The following SLC9D1 variants were observed in gnomAD, a reference collection of about 807,000 sequenced individuals.
SLC9D1 encodes the protein solute carrier family 9 member D1, also known as putative LAG1-interacting protein.
the SLC9D1 span, among the ~76,000 whole-genome samples, chr13:113,547,782 G>A: frequency 5.3e-5 from 8 of 152,192 alleles, no homozygotes; most frequent in East Asian, 1.3e-3. Context: ...TTAATTGAAG[G>A]TGTGATGACC....
At chr13:113,503,350 TG>T in the SLC9D1 span, 1 of 159,172 alleles carries the variant, frequency 6.3e-6, no homozygotes, top group Non-Finnish European at 9.1e-6. Context: ...TGTGATTGTG[TG>T]TGTGTGTGTG....
chr13:113,529,472 A>C, the SLC9D1 span: 1 of 152,242 alleles, frequency 6.6e-6, no homozygotes, highest in African/African-American at 2.4e-5. Flanking sequence ...AACACGGTGA[A>C]ACCCCGTCTC....
chr13:113,538,053 T>C, the SLC9D1 span, among the ~76,000 whole-genome samples: 1 of 151,828 alleles, frequency 6.6e-6, no homozygotes, highest in East Asian at 1.9e-4. Context: ...CTTTATGTGA[T>C]GTGTGTACAT....
At chr13:113,517,271 C>T in the SLC9D1 span, among the ~76,000 whole-genome samples, 17 of 152,234 alleles carry the variant, frequency 1.1e-4, no homozygotes, top group East Asian at 2.5e-3. Flanking sequence ...CTCGCTCTGT[C>T]GCCCAGGCTG....
At chr13:113,532,323 T>C in the SLC9D1 span, among the ~76,000 whole-genome samples, 1 of 152,122 alleles carries the variant, frequency 6.6e-6, no homozygotes, top group Admixed American at 6.5e-5. Flanking sequence ...AGGCTCTACC[T>C]TTGGAGATGT....
chr13:113,528,292 T>C, the SLC9D1 span: 1 of 152,226 alleles, frequency 6.6e-6, no homozygotes. Flanking sequence ...GTGTGAGGCC[T>C]GGCCAGGGGG....
At chr13:113,506,313 G>A in the SLC9D1 span, among the ~76,000 whole-genome samples, 3 of 105,212 alleles carry the variant, frequency 2.9e-5, no homozygotes, top group African/African-American at 1.6e-4. Flanking sequence ...TGGAGGAAGA[G>A]GCTGTTATGG....
the SLC9D1 span, chr13:113,529,892 TGA>T: frequency 1.3e-5 from 2 of 152,234 alleles, no homozygotes; most frequent in East Asian, 3.8e-4. Context: ...TTTTATTGTA[TGA>T]GAGTTTCACC....
At chr13:113,533,389 C>T in the SLC9D1 span, among the ~76,000 whole-genome samples, 6 of 152,178 alleles carry the variant, frequency 3.9e-5, no homozygotes, top group Middle Eastern at 3.2e-3. Context: ...CAGAGGCTGA[C>T]GCCCTTGGGA....
chr13:113,502,268 C>T, the SLC9D1 span, among the ~76,000 whole-genome samples: 1 of 152,252 alleles, frequency 6.6e-6, no homozygotes, highest in African/African-American at 2.4e-5. Context: ...GGCTGGAGTG[C>T]AATGGTGCAA....
the SLC9D1 span, among the ~76,000 whole-genome samples, chr13:113,541,230 C>T: frequency 1.3e-5 from 2 of 151,870 alleles, no homozygotes; most frequent in Non-Finnish European, 2.9e-5. Context: ...GCCACGCACA[C>T]GATTGCTGAT....
the SLC9D1 span, among the ~76,000 whole-genome samples, chr13:113,525,736 G>A: frequency 1.1e-3 from 159 of 149,918 alleles, no homozygotes; most frequent in Non-Finnish European, 1.8e-3. Context: ...GCTCTGTGCC[G>A]GTTATTCTAG....
the SLC9D1 span, among the ~76,000 whole-genome samples, chr13:113,517,448 TCG>T: frequency 6.6e-6 from 1 of 152,160 alleles, no homozygotes; most frequent in East Asian, 1.9e-4. Context: ...CAGGATGGTC[TCG>T]ATCTCCTGAC....
the SLC9D1 span, among the ~76,000 whole-genome samples, chr13:113,536,780 T>C: frequency 6.6e-6 from 1 of 152,194 alleles, no homozygotes; most frequent in East Asian, 1.9e-4. Context: ...TGCTGCCCAT[T>C]CTCGTGTTTC....
At chr13:113,520,813 A>G in the SLC9D1 span, 9 of 1,059,178 alleles carry the variant, frequency 8.5e-6, no homozygotes, top group Admixed American at 5.3e-5. Flanking sequence ...ACCTTTTCCA[A>G]AGAGATGTTC....
the SLC9D1 span, chr13:113,520,621 A>G: frequency 6.2e-6 from 10 of 1,610,746 alleles, no homozygotes; most frequent in East Asian, 1.8e-4. Context: ...CACAGGCGAC[A>G]TTGACTACAG....
At chr13:113,525,823 C>G in the SLC9D1 span, among the ~76,000 whole-genome samples, 2 of 147,984 alleles carry the variant, frequency 1.4e-5, no homozygotes, top group African/African-American at 2.6e-5. Flanking sequence ...TCGTAGGAGA[C>G]GACAGCTCTG....
At chr13:113,513,953 G>A in the SLC9D1 span, among the ~76,000 whole-genome samples, 1 of 152,220 alleles carries the variant, frequency 6.6e-6, no homozygotes, top group Non-Finnish European at 1.5e-5. Flanking sequence ...GGAGCCGGGG[G>A]GTCGGGGCCC....
the SLC9D1 span, among the ~76,000 whole-genome samples, chr13:113,539,951 G>T: frequency 6.6e-6 from 1 of 152,158 alleles, no homozygotes; most frequent in Non-Finnish European, 1.5e-5. This position sits in a 1 kb window ranked among gnomAD's most constrained non-coding sequence, Gnocchi z 4.8. Context: ...GCTCCCACTT[G>T]TAAGTGAGAA....
Sources: allele counts gnomAD v4.1 joint callset (sites outside exome capture counted in the v4.1 genomes callset), GRCh38; gene constraint gnomAD v4.1.1; non-coding constraint Gnocchi (gnomAD v3.1); transcripts MANE v1.5; gene names NCBI Gene and HGNC (gene_info 2026-07-23, HGNC 2026-07-21).